The following RASSF8 variants were observed in gnomAD, a reference collection of about 807,000 sequenced individuals.
The protein encoded by RASSF8 is Ras association domain family member 8.
In RASSF8, 22 loss-of-function variants were observed where a neutral mutation model predicts 48.5. That is an observed-to-expected ratio of 0.45 (90% CI 0.32 to 0.65). The LOEUF is 0.65. Ranked by LOEUF, RASSF8 falls within the 30% of genes least tolerant of loss-of-function variation. RASSF8 has a pLI of 0.03. For missense variants in RASSF8, 418 were observed against 489.2 expected, an observed-to-expected ratio of 0.85 and a Z score of 1.37; for synonymous variants, 127 against 171.5, an observed-to-expected ratio of 0.74 and a Z score of 2.03.
rs1048624515 is a variant in RASSF8 at position 25,959,103 on chromosome 12, C to T, written c.-248C>T. On this transcript the variant is annotated 5_prime_UTR_variant, in exon 1 of 6. Coordinates refer to ENST00000689635, the MANE Select transcript of RASSF8 (RefSeq NM_001394098.1). ...GCCGCCGCGTCCCCAGCGCCCCGGC[C>T]GGCCCCTCTGGGCGGCCTGCGGGGG... 1.1e-4 allele frequency: 16 copies of T among 150,494 alleles called. No individual in the cohort carries two copies. Among genetic ancestry groups the T allele is most frequent in the African/African-American group, 3.9e-4 (16 of 41,226 alleles). 9.3% of individuals were successfully genotyped at this position (150,494 alleles called of 1,614,324 possible).
In RASSF8 at chr12:26,071,644, C is replaced by G. The variant is rs1274037517; in HGVS notation, c.*2826C>G. The G allele has an allele frequency of 1.0e-6, 1 of 984,672 alleles. No homozygotes were observed. The highest frequency in any genetic ancestry group is 1.2e-6 in the Non-Finnish European group (1 of 829,588). The allele number at this position is 984,672 out of a possible 1,614,324, so 61.0% of individuals were successfully genotyped here. Reference sequence around the variant, plus strand: ...GGTTTGATAACATTTTGTTTTTTGTCTTGATGCACAGGGACTTTTTTATAA... The same window carrying G: ...GGTTTGATAACATTTTGTTTTTTGTGTTGATGCACAGGGACTTTTTTATAA... On this transcript the variant is annotated 3_prime_UTR_variant, in exon 6 of 6. Coordinates refer to ENST00000689635, the MANE Select transcript of RASSF8 (RefSeq NM_001394098.1).
At chr12:26,017,274 C>CCA (rs1455166897) in intron 2 of RASSF8, among the ~76,000 whole-genome samples, 2 of 152,012 alleles carry the variant, frequency 1.3e-5, no homozygotes, top group Non-Finnish European at 2.9e-5. Flanking sequence ...CAATCTTTGT[C>CCA]CAATCAGGAG....
chr12:26,065,157 G>A lies in RASSF8; in HGVS notation c.763G>A (p.Glu255Lys). The change falls in exon 4 of 6, where the codon GAA becomes AAA. Residue 255 changes from glutamate (E) to lysine (K), a missense_variant. Physicochemically the swap from Glu to Lys is moderately conservative, Grantham distance 56. Coordinates refer to ENST00000689635, the MANE Select transcript of RASSF8 (RefSeq NM_001394098.1). Reference protein sequence around the residue: ...QEIRQKITECENKLKDYLAQI... With the variant: ...QEIRQKITECKNKLKDYLAQI... ...AATAAGACAGAAAATAACAGAATGT[G>A]AAAACAAATTAAAGGACTATTTGGC... The A allele has an allele frequency of 6.2e-7, 1 of 1,613,922 alleles. No homozygotes were observed.
chr12:25,999,319 A>C (rs1284637914), intron 2 of RASSF8, among the ~76,000 whole-genome samples: 1 of 152,240 alleles, frequency 6.6e-6, no homozygotes, highest in Admixed American at 6.5e-5. Context: ...ATATTTATAT[A>C]GCACTTTCTA....
Position 26,051,118 on chromosome 12 carries a change from C to G in RASSF8, c.-108-4118C>G, listed in dbSNP as rs1469929241. On this transcript the variant is annotated intron_variant, in intron 2 of 5. Transcript: ENST00000689635. The stretch of plus-strand genomic sequence containing the variant: ...CCCAAATTACTAGATTTTTTTGACA[C>G]TGGAAAAGTTATTTAAACTCTCCGA... Among the ~76,000 whole-genome samples the G allele has an allele frequency of 3.3e-5, 5 of 152,042 alleles. No individual in the cohort carries two copies. The East Asian group carries it at 7.7e-4, about 23-fold the overall frequency.
At chr12:26,058,528 A>ACG (rs752959327) in intron 3 of RASSF8, among the ~76,000 whole-genome samples, 151 of 82,328 alleles carry the variant, frequency 1.8e-3, no homozygotes, top group South Asian at 0.012. Context: ...ACACATGCGC[A>ACG]CGCGCGCGCG....
intron 2 of RASSF8, chr12:26,052,624 C>G (rs1163718267): frequency 1.3e-5 from 2 of 152,098 alleles, no homozygotes; most frequent in Admixed American, 6.6e-5. Context: ...ATTTTACTCT[C>G]TAGTCTGGTT....
At chr12:26,010,164 C>T (rs1942488812) in intron 2 of RASSF8, among the ~76,000 whole-genome samples, 1 of 151,914 alleles carries the variant, frequency 6.6e-6, no homozygotes, top group Non-Finnish European at 1.5e-5. Context: ...AGAAGGCTTC[C>T]TTACTGTCCA....
chr12:25,976,280 G>A (rs923154333), intron 1 of RASSF8, among the ~76,000 whole-genome samples: 4 of 152,230 alleles, frequency 2.6e-5, no homozygotes, highest in African/African-American at 9.6e-5. Context: ...TTTCTGTCTG[G>A]AGGATGGGAA....
At chr12:26,075,000 A>C (rs1162486126), downstream of RASSF8, among the ~76,000 whole-genome samples, 1 of 152,206 alleles carries the variant, frequency 6.6e-6, no homozygotes, top group Non-Finnish European at 1.5e-5. Context: ...ATATGTGAAG[A>C]ACTGACTAAA....
intron 2 of RASSF8, among the ~76,000 whole-genome samples, chr12:26,049,079 A>C (rs1271186436): frequency 6.6e-6 from 1 of 152,088 alleles, no homozygotes; most frequent in Non-Finnish European, 1.5e-5. Flanking sequence ...TTTTTAAGGT[A>C]TGGTGTTCTG....
At chr12:25,965,103 C>T (rs1941326991) in intron 1 of RASSF8, among the ~76,000 whole-genome samples, 1 of 152,004 alleles carries the variant, frequency 6.6e-6, no homozygotes, top group African/African-American at 2.4e-5. Context: ...CCACCACGCC[C>T]AGCTAATTTT....
At chr12:26,029,607 A>G (rs1254955214) in intron 2 of RASSF8, among the ~76,000 whole-genome samples, 1 of 152,166 alleles carries the variant, frequency 6.6e-6, no homozygotes, top group African/African-American at 2.4e-5. Context: ...CTCTGTACTC[A>G]TGATTGGCCT....
At chr12:25,999,994 A>G (rs1182324811) in intron 2 of RASSF8, among the ~76,000 whole-genome samples, 1 of 152,224 alleles carries the variant, frequency 6.6e-6, no homozygotes, top group East Asian at 1.9e-4. Context: ...TTAATATTTT[A>G]TATTGATTTG....
At chr12:26,068,625 T>A (rs934958141) in intron 5 of RASSF8, 72 bp from the exon 6 acceptor site, 3 of 1,212,298 alleles carry the variant, frequency 2.5e-6, no homozygotes, top group Non-Finnish European at 2.3e-6. Context: ...TAGGAAGCAG[T>A]CTGATTTTTT....
Position 26,055,495 on chromosome 12 carries a change from C to T in RASSF8, c.103+49C>T, listed in dbSNP as rs77749978. 977 of 1,422,456 alleles carry T rather than the reference C, an allele frequency of 6.9e-4. 4 individuals are homozygous for T. In the African/African-American group the frequency reaches 0.01, roughly 15 times the overall value. The allele number at this position is 1,422,456 out of a possible 1,614,324, so 88.1% of individuals were successfully genotyped here. A position where few individuals can be genotyped will look rare whatever the true frequency, so the allele number is the denominator to read the frequency against. ...GAGAAAAGTACATTGTGCTTTCTTT[C>T]GTTGTATGTGTTTGTTTTAAATATA... On this transcript the variant is annotated intron_variant, in intron 3 of 5. Transcript: ENST00000689635.
chr12:26,004,618 G>T (rs888101549), intron 2 of RASSF8, among the ~76,000 whole-genome samples: 6 of 152,128 alleles, frequency 3.9e-5, no homozygotes, highest in African/African-American at 1.4e-4. Context: ...AGAAAAGACA[G>T]TGTTATTAAG....
intron 2 of RASSF8, among the ~76,000 whole-genome samples, chr12:26,029,181 G>T (rs1201266174): frequency 2.0e-5 from 3 of 152,156 alleles, no homozygotes; most frequent in Non-Finnish European, 4.4e-5. Flanking sequence ...TGTCTATCAT[G>T]TAGATCACTT....
intron 2 of RASSF8, among the ~76,000 whole-genome samples, chr12:26,002,051 C>T (rs1232151149): frequency 2.0e-5 from 3 of 152,228 alleles, no homozygotes; most frequent in African/African-American, 7.2e-5. Context: ...CCAGTGTAAT[C>T]TAATGGGGCT....
Sources: gnomAD v4.1 joint callset for allele counts (sites outside exome capture counted in the v4.1 genomes callset) on GRCh38, gnomAD v4.1.1 for gene constraint, MANE v1.5 for transcripts, NCBI Gene and HGNC (gene_info 2026-07-23, HGNC 2026-07-21) for gene names.